SAMD5: variants seen among roughly 807,000 people sequenced by gnomAD.
The protein encoded by SAMD5 is sterile alpha motif domain-containing protein 5.
In SAMD5, 13 loss-of-function variants were observed where a neutral mutation model predicts 11.3. The observed-to-expected ratio is 1.15, with a 90% CI of 0.75 to 1.83. The LOEUF (loss-of-function observed/expected upper bound fraction) is 1.83, where lower values mean the gene tolerates loss of function less well. SAMD5 is among the 40% of genes most tolerant of loss of function. The pLI is 0.00. For synonymous variants in SAMD5, 129 were observed against 111.3 expected, an observed-to-expected ratio of 1.16 and a Z score of -1.00; for missense variants, 255 against 239.1, an observed-to-expected ratio of 1.07 and a Z score of -0.44.
At chr6:147,916,077 T>C in the SAMD5 span, among the ~76,000 whole-genome samples, 3 of 152,106 alleles carry the variant, frequency 2.0e-5, no homozygotes, top group African/African-American at 7.2e-5. Context: ...ACAAAGGACA[T>C]GAACTCATCA....
the SAMD5 span, among the ~76,000 whole-genome samples, chr6:147,942,475 C>G: frequency 1.3e-5 from 2 of 152,234 alleles, no homozygotes; most frequent in Non-Finnish European, 2.9e-5. Flanking sequence ...CTTTGCTTAA[C>G]TTCTCAGTAA....
At chr6:147,921,924 C>G in the SAMD5 span, among the ~76,000 whole-genome samples, 3 of 152,206 alleles carry the variant, frequency 2.0e-5, no homozygotes, top group East Asian at 5.8e-4. Flanking sequence ...TTAAACAACA[C>G]AAGCAAAGGA....
the SAMD5 span, among the ~76,000 whole-genome samples, chr6:147,744,336 A>C: frequency 6.6e-6 from 1 of 152,190 alleles, no homozygotes; most frequent in Non-Finnish European, 1.5e-5. Context: ...GTAAATGCTA[A>C]ATACATACTT....
intron 1 of SAMD5, among the ~76,000 whole-genome samples, chr6:147,654,237 G>C (rs1423709559): frequency 6.6e-6 from 1 of 152,170 alleles, no homozygotes; most frequent in Non-Finnish European, 1.5e-5. Flanking sequence ...ATGGTCTGTA[G>C]GTGGTGATGT....
the SAMD5 span, among the ~76,000 whole-genome samples, chr6:147,871,093 A>G: frequency 6.6e-6 from 1 of 152,182 alleles, no homozygotes; most frequent in Non-Finnish European, 1.5e-5. Flanking sequence ...TAGAAAACAA[A>G]ACAATAAGAC....
chr6:147,774,364 A>G, the SAMD5 span, among the ~76,000 whole-genome samples: 3 of 152,148 alleles, frequency 2.0e-5, no homozygotes, highest in Admixed American at 6.5e-5. Flanking sequence ...TTAAAGTACA[A>G]TTGTCCCTTG....
chr6:147,703,134 C>T (rs1791278147), intron 1 of SAMD5, among the ~76,000 whole-genome samples: 1 of 152,104 alleles, frequency 6.6e-6, no homozygotes, highest in Admixed American at 6.6e-5. Context: ...ATGGTATGAT[C>T]TCGGCTCACT....
chr6:147,636,571 A>T (rs1473435409), intron 1 of SAMD5, among the ~76,000 whole-genome samples: 1 of 152,126 alleles, frequency 6.6e-6, no homozygotes, highest in Admixed American at 6.6e-5. Flanking sequence ...CTGTTGTTGG[A>T]TTGCTGCATC....
In SAMD5 at chr6:147,564,980, A is replaced by G. The variant is rs1789013692; in HGVS notation, c.*524A>G. 1.9e-5 allele frequency: 16 copies of G among 831,036 alleles called. No individual in the cohort carries two copies. The highest frequency in any genetic ancestry group is 2.3e-5 in the Non-Finnish European group (16 of 690,498). The allele number at this position is 831,036 out of a possible 1,614,324, so 51.5% of individuals were successfully genotyped here. A position where few individuals can be genotyped will look rare whatever the true frequency, so the allele number is the denominator to read the frequency against. On this transcript the variant is annotated 3_prime_UTR_variant, in exon 2 of 2. Transcript: ENST00000367474. ...GATAAGATACATAATTCTATGTAGA[A>G]TAGTTTGGTGAAGGAATTCTTATTT...
chr6:147,558,496 A>AT (rs1345437457), intron 1 of SAMD5, among the ~76,000 whole-genome samples: 1 of 152,158 alleles, frequency 6.6e-6, no homozygotes, highest in Admixed American at 6.5e-5. Flanking sequence ...ATCTAAAGGC[A>AT]TCTATCACTG....
chr6:147,568,531 GA>G lies in SAMD5; in HGVS notation c.*4078del. 1 of 985,382 alleles carries G rather than the reference GA, an allele frequency of 1.0e-6. No homozygotes were observed. The highest frequency in any genetic ancestry group is 4.7e-5 in the South Asian group (1 of 21,278). The allele number at this position is 985,382 out of a possible 1,614,324, so 61.0% of individuals were successfully genotyped here. On this transcript the variant is annotated 3_prime_UTR_variant, in exon 2 of 2. Coordinates refer to ENST00000367474, the MANE Select transcript of SAMD5 (RefSeq NM_001030060.3). ...TCTAGGGAAAATAAGAGAAATAAGT[GA>G]AAGTCTGACCCTACATTGCCAATTC... is the stretch of plus-strand genomic sequence containing the variant.
chr6:147,694,980 G>A (rs909057403), intron 1 of SAMD5, among the ~76,000 whole-genome samples: 5 of 152,170 alleles, frequency 3.3e-5, no homozygotes, highest in Non-Finnish European at 5.9e-5. Flanking sequence ...AAACTAGCAT[G>A]AGTAAATAAC....
At chr6:147,603,240 C>T (rs374485239) in intron 1 of SAMD5, among the ~76,000 whole-genome samples, 1 of 152,062 alleles carries the variant, frequency 6.6e-6, no homozygotes, top group Non-Finnish European at 1.5e-5. Context: ...ATTAATAAAA[C>T]AGTCTATTGG....
At chr6:147,797,753 A>C in the SAMD5 span, among the ~76,000 whole-genome samples, 1 of 143,192 alleles carries the variant, frequency 7.0e-6, no homozygotes, top group Non-Finnish European at 1.5e-5. Flanking sequence ...AGCTCCTGTT[A>C]TTGGTCTATT....
At chr6:147,937,843 C>T in the SAMD5 span, among the ~76,000 whole-genome samples, 34,421 of 151,978 alleles carry the variant, frequency 0.23, 4,426 homozygotes, top group African/African-American at 0.34. Context: ...AGACTTATCT[C>T]AGGTGCTTGC....
At chr6:147,704,206 C>A (rs1024990846) in intron 1 of SAMD5, among the ~76,000 whole-genome samples, 2 of 152,022 alleles carry the variant, frequency 1.3e-5, no homozygotes, top group East Asian at 1.9e-4. Flanking sequence ...TTATTTTAAA[C>A]CCTTTAGTTG....
At chr6:147,811,182 T>G in the SAMD5 span, among the ~76,000 whole-genome samples, 4 of 152,196 alleles carry the variant, frequency 2.6e-5, no homozygotes, top group South Asian at 8.3e-4. Context: ...AGTGAGAGGT[T>G]TGTTTACTTG....
At chr6:147,691,088 G>A (rs1261923573) in intron 1 of SAMD5, among the ~76,000 whole-genome samples, 1 of 150,810 alleles carries the variant, frequency 6.6e-6, no homozygotes, top group Non-Finnish European at 1.5e-5. Flanking sequence ...CCCCCCTCCC[G>A]AGTTCAAGCC....
the SAMD5 span, among the ~76,000 whole-genome samples, chr6:147,842,554 C>T: frequency 9.2e-5 from 14 of 151,772 alleles, no homozygotes; most frequent in Admixed American, 3.9e-4. Context: ...TAGAACCATA[C>T]GAAATAAATC....
Sources: allele counts gnomAD v4.1 joint callset (sites outside exome capture counted in the v4.1 genomes callset), GRCh38; gene constraint gnomAD v4.1.1; transcripts MANE v1.5; gene names NCBI Gene and HGNC (gene_info 2026-07-23, HGNC 2026-07-21).